The following ITPR2 variants were observed in gnomAD, a reference collection of about 807,000 sequenced individuals.
The protein encoded by ITPR2 is inositol 1,4,5-trisphosphate receptor type 2, also known as inositol 1,4,5-trisphosphate-gated calcium channel ITPR2.
In ITPR2, 207 loss-of-function variants were observed where a neutral mutation model predicts 317.1. The observed-to-expected ratio is 0.65, with a 90% CI of 0.58 to 0.73. The LOEUF (loss-of-function observed/expected upper bound fraction) is 0.73, where lower values mean the gene tolerates loss of function less well. Ranked by LOEUF, ITPR2 falls within the 30% of genes least tolerant of loss-of-function variation. The pLI is 0.00. For missense variants in ITPR2, 2,613 were observed against 3,284.0 expected (o/e 0.80, Z 4.99); for synonymous variants, 1,156 against 1,149.1 (o/e 1.01, Z -0.12).
At chr12:26,675,040 A>G (rs549703568) in intron 13 of ITPR2, among the ~76,000 whole-genome samples, 1 of 152,086 alleles carries the variant, frequency 6.6e-6, no homozygotes, top group South Asian at 2.1e-4. Flanking sequence ...TAAAAAGTCA[A>G]GAAACAACAG....
At chr12:26,763,658 A>T (rs2137130740) in intron 2 of ITPR2, among the ~76,000 whole-genome samples, 1 of 152,248 alleles carries the variant, frequency 6.6e-6, no homozygotes, top group Non-Finnish European at 1.5e-5. Flanking sequence ...TTTCTTCCCC[A>T]CTTCCATTGT....
At chr12:26,375,436 G>A (rs1939309523) in intron 55 of ITPR2, among the ~76,000 whole-genome samples, 2 of 152,150 alleles carry the variant, frequency 1.3e-5, no homozygotes, top group Non-Finnish European at 2.9e-5. Context: ...TGTAATCAAT[G>A]TCAGATCACA....
chr12:26,642,362 T>C (rs1947009441), intron 21 of ITPR2, among the ~76,000 whole-genome samples: 1 of 152,216 alleles, frequency 6.6e-6, no homozygotes, highest in Non-Finnish European at 1.5e-5. Context: ...ATTGAAGTCA[T>C]GAGAGCACCA....
intron 43 of ITPR2, among the ~76,000 whole-genome samples, chr12:26,480,373 C>T (rs1336106140): frequency 6.6e-6 from 1 of 152,020 alleles, no homozygotes; most frequent in Admixed American, 6.6e-5. Flanking sequence ...TGGGGAAAAA[C>T]TAAATTTTAA....
intron 9 of ITPR2, among the ~76,000 whole-genome samples, chr12:26,708,273 T>C (rs1052063658): frequency 1.3e-5 from 2 of 152,140 alleles, no homozygotes; most frequent in Non-Finnish European, 2.9e-5. Flanking sequence ...AGGAAATCAG[T>C]ATATGGAAGA....
At chr12:26,746,641 T>C (rs1024817694) in intron 2 of ITPR2, among the ~76,000 whole-genome samples, 2 of 152,206 alleles carry the variant, frequency 1.3e-5, no homozygotes, top group Admixed American at 6.5e-5. Flanking sequence ...ATCTTCCTTA[T>C]TACTGATGCA....
At chr12:26,490,087 G>C (rs1942762998) in intron 39 of ITPR2, among the ~76,000 whole-genome samples, 1 of 152,190 alleles carries the variant, frequency 6.6e-6, no homozygotes, top group South Asian at 2.1e-4. Flanking sequence ...TCATATATAA[G>C]AGTAATTTAA....
intron 21 of ITPR2, among the ~76,000 whole-genome samples, chr12:26,653,241 CTTTTTT>C (rs774729786): frequency 2.9e-5 from 3 of 103,576 alleles, no homozygotes; most frequent in African/African-American, 3.9e-5. Context: ...TTGAATCTTT[CTTTTTT>C]TTTTTTTTTT....
At chr12:26,681,441 T>C (rs924634998) in intron 13 of ITPR2, among the ~76,000 whole-genome samples, 5 of 152,180 alleles carry the variant, frequency 3.3e-5, no homozygotes, top group African/African-American at 1.2e-4. Flanking sequence ...GCAGATTTTT[T>C]TTTTCTGGTT....
intron 46 of ITPR2, among the ~76,000 whole-genome samples, chr12:26,440,125 T>C (rs1268187028): frequency 3.3e-5 from 5 of 152,144 alleles, no homozygotes; most frequent in African/African-American, 7.2e-5. Flanking sequence ...ACTGTACCTC[T>C]GGAAAGTGAG....
intron 55 of ITPR2, among the ~76,000 whole-genome samples, chr12:26,340,597 T>C (rs2136539387): frequency 6.6e-6 from 1 of 152,222 alleles, no homozygotes; most frequent in South Asian, 2.1e-4. Context: ...GCTGCAGGCA[T>C]TCAGTGAATG....
chr12:26,804,326 C>T (rs1950606262), intron 1 of ITPR2, among the ~76,000 whole-genome samples: 1 of 152,132 alleles, frequency 6.6e-6, no homozygotes, highest in East Asian at 1.9e-4. Context: ...TTTCTGTGCA[C>T]AAAGAAAATA....
chr12:26,429,351 A>G (rs1941147364), intron 48 of ITPR2, among the ~76,000 whole-genome samples: 1 of 152,226 alleles, frequency 6.6e-6, no homozygotes, highest in South Asian at 2.1e-4. Flanking sequence ...CACCAAATTT[A>G]TAATCTGATA....
chr12:26,635,994 A>G (rs1328215654), intron 21 of ITPR2, among the ~76,000 whole-genome samples: 1 of 152,258 alleles, frequency 6.6e-6, no homozygotes, highest in Admixed American at 6.5e-5. Context: ...TTAAACAGCC[A>G]GAGAAAGCAA....
At chr12:26,397,107 A>T (rs1224996087) in intron 54 of ITPR2, among the ~76,000 whole-genome samples, 2 of 151,950 alleles carry the variant, frequency 1.3e-5, no homozygotes, top group Admixed American at 6.6e-5. Flanking sequence ...AAAAAAAAAT[A>T]GACCCTGCAG....
intron 37 of ITPR2, among the ~76,000 whole-genome samples, chr12:26,519,297 T>A (rs1943607077): frequency 6.6e-6 from 1 of 152,180 alleles, no homozygotes; most frequent in African/African-American, 2.4e-5. Context: ...TGTTGGTGAA[T>A]TCCATGACCC....
At position 26,656,559 on chromosome 12, in the gene ITPR2, G is replaced by A. The variant is rs1279139279; in HGVS notation, c.2193-11C>T. 6.2e-7 allele frequency: 1 copy of A among 1,613,584 alleles called. No homozygotes were observed. Among genetic ancestry groups the A allele is most frequent in the East Asian group, 2.2e-5 (1 of 44,886 alleles). ...AGGTTTAGCTGGTACCTTAAAAATGGTAAACATATTACATTATTGTCTTAT... is the reference window on the plus strand; with the variant it reads ...AGGTTTAGCTGGTACCTTAAAAATGATAAACATATTACATTATTGTCTTAT... On this transcript the variant is annotated splice_polypyrimidine_tract_variant and intron_variant, in intron 18 of 56. Coordinates refer to ENST00000381340, the MANE Select transcript of ITPR2 (RefSeq NM_002223.4).
chr12:26,751,875 A>AC (rs796792071), intron 2 of ITPR2, among the ~76,000 whole-genome samples: 3,100 of 151,546 alleles, frequency 0.02, 100 homozygotes, highest in African/African-American at 0.072. Context: ...AAAAAAAAAA[A>AC]AAAACAGTTT....
chr12:26,475,904 C>T (rs552668829), intron 44 of ITPR2, among the ~76,000 whole-genome samples: 1 of 152,262 alleles, frequency 6.6e-6, no homozygotes, highest in South Asian at 2.1e-4. Context: ...AGAGCAGGGG[C>T]ATATACTCAA....
Sources: allele counts gnomAD v4.1 joint callset (sites outside exome capture counted in the v4.1 genomes callset), GRCh38; gene constraint gnomAD v4.1.1; transcripts MANE v1.5; gene names NCBI Gene and HGNC (gene_info 2026-07-23, HGNC 2026-07-21).